ARHGAP31: variants seen among roughly 807,000 people sequenced by gnomAD.
ARHGAP31 encodes Rho GTPase activating protein 31.
ARHGAP31 carries 34 observed loss-of-function variants against 113.9 expected under a neutral mutation model. That is an observed-to-expected ratio of 0.30 (90% CI 0.23 to 0.40). The LOEUF is 0.40. Ranked by LOEUF, ARHGAP31 falls within the 10% of genes least tolerant of loss-of-function variation. The pLI is 1.00. For missense variants in ARHGAP31, 1,548 were observed against 1,767.1 expected (o/e 0.88, Z 2.22); for synonymous variants, 650 against 684.8 (o/e 0.95, Z 0.79).
rs2080417445 is a variant in ARHGAP31, at chr3:119,383,159, T to C, written c.615T>C (p.Ile205=). 1.2e-6 allele frequency: 2 copies of C among 1,614,216 alleles called. No individual in the cohort carries two copies. The highest frequency in any genetic ancestry group is 1.7e-6 in the Non-Finnish European group (2 of 1,180,030). The change falls in exon 6 of 12, where the codon ATT becomes ATC. Residue 205 remains isoleucine, a synonymous_variant. Coordinates refer to ENST00000264245, the MANE Select transcript of ARHGAP31 (RefSeq NM_020754.4). The part of the protein sequence containing the change: ...FLAVRVQQVV[I]EFILNHVDQI... ...CAGTCCGGGTCCAGCAGGTGGTGAT[T>C]GAGTTCATATTGAATCATGTAGATC...
At chr3:119,378,566 C>T (rs1441872326) in intron 3 of ARHGAP31, among the ~76,000 whole-genome samples, 3 of 152,198 alleles carry the variant, frequency 2.0e-5, no homozygotes, top group African/African-American at 4.8e-5. Context: ...AGTGGTACAA[C>T]GTTTGTGAAG....
chr3:119,302,946 A>G (rs1158300746), intron 1 of ARHGAP31, among the ~76,000 whole-genome samples: 1 of 152,160 alleles, frequency 6.6e-6, no homozygotes, highest in African/African-American at 2.4e-5. Flanking sequence ...ATCTAAACCT[A>G]CCAGCTTTGA....
At position 119,307,940 on chromosome 3, in the gene ARHGAP31, CAAAAAAAA is replaced by C. The variant is rs71156742; in HGVS notation, c.100+12949_100+12956del. Among the ~76,000 whole-genome samples the C allele has an allele frequency of 1.8e-4, 8 of 45,464 alleles. No homozygotes were observed. In the South Asian group the frequency reaches 5.7e-3, roughly 32 times the overall value. 29.8% of individuals were successfully genotyped at this position (45,464 alleles called of 152,430 possible). A position where few individuals can be genotyped will look rare whatever the true frequency, so the allele number is the denominator to read the frequency against. On this transcript the variant is annotated intron_variant, in intron 1 of 11. Transcript: ENST00000264245. ...AGTGAATCCAAGTATGAATTAACAGCAAAAAAAAAAAAAAAAAAAAGCTCAATCTTAGG... is the reference window on the plus strand; with the variant it reads ...AGTGAATCCAAGTATGAATTAACAGCAAAAAAAAAAAAGCTCAATCTTAGG...
Position 119,383,177 on chromosome 3 carries a change from T to C in ARHGAP31, c.633T>C (p.His211=), listed in dbSNP as rs764713087. Residue 211 remains histidine, a synonymous_variant, in exon 6 of 12, where the codon CAT becomes CAC. Transcript: ENST00000264245. ...QQVVIEFILN[H]VDQIFNNGAP... is the part of the protein sequence containing the mutation. ...TGGTGATTGAGTTCATATTGAATCA[T>C]GTAGATCAAATCTTTAACAACGGTG... The C allele has an allele frequency of 3.7e-6, 6 of 1,614,204 alleles. No homozygotes were observed. The highest frequency in any genetic ancestry group is 2.2e-5 in the South Asian group (2 of 91,086).
At chr3:119,296,007 A>T (rs928752220) in intron 1 of ARHGAP31, among the ~76,000 whole-genome samples, 3 of 152,256 alleles carry the variant, frequency 2.0e-5, no homozygotes, top group African/African-American at 7.2e-5. Flanking sequence ...TATATAGGCC[A>T]TGTGTTTATA....
At chr3:119,389,093 G>C (rs568342661) in intron 6 of ARHGAP31, among the ~76,000 whole-genome samples, 1 of 152,044 alleles carries the variant, frequency 6.6e-6, no homozygotes, top group Non-Finnish European at 1.5e-5. Context: ...CCCAGGAGTC[G>C]GAGGTTGCAG....
chr3:119,308,161 G>T (rs905298283), intron 1 of ARHGAP31, among the ~76,000 whole-genome samples: 1 of 152,140 alleles, frequency 6.6e-6, no homozygotes, highest in Non-Finnish European at 1.5e-5. Flanking sequence ...GACAAATGAA[G>T]TTGCTGAGAA....
intron 1 of ARHGAP31, among the ~76,000 whole-genome samples, chr3:119,324,341 G>T (rs2079821329): frequency 1.3e-5 from 2 of 152,216 alleles, no homozygotes; most frequent in Admixed American, 1.3e-4. Flanking sequence ...CAATTTTAAG[G>T]TTACACTTGT....
chr3:119,395,173 G>A (rs1364535664), intron 8 of ARHGAP31, among the ~76,000 whole-genome samples: 3 of 152,146 alleles, frequency 2.0e-5, no homozygotes, highest in African/African-American at 4.8e-5. Flanking sequence ...TATTTTTAAC[G>A]ACTTTCCTCA....
chr3:119,338,530 G>A (rs1436101565), intron 1 of ARHGAP31, among the ~76,000 whole-genome samples: 1 of 152,066 alleles, frequency 6.6e-6, no homozygotes, highest in Non-Finnish European at 1.5e-5. Flanking sequence ...AGTGACATAG[G>A]GTGCAGACTT....
intron 1 of ARHGAP31, among the ~76,000 whole-genome samples, chr3:119,359,685 T>C (rs2107620172): frequency 6.6e-6 from 1 of 151,772 alleles, no homozygotes; most frequent in Non-Finnish European, 1.5e-5. Flanking sequence ...GGGGAAAGGA[T>C]GGGACAGGAA....
chr3:119,408,754 A>C (rs1559996285), intron 10 of ARHGAP31, among the ~76,000 whole-genome samples: 1 of 152,184 alleles, frequency 6.6e-6, no homozygotes, highest in Non-Finnish European at 1.5e-5. Context: ...AAACAGCTTT[A>C]TGCAAAGAAA....
intron 1 of ARHGAP31, among the ~76,000 whole-genome samples, chr3:119,352,109 A>G (rs761736536): frequency 2.0e-5 from 3 of 152,168 alleles, no homozygotes; most frequent in Non-Finnish European, 2.9e-5. Context: ...GCCTTTATCA[A>G]TTACACAAAG....
chr3:119,351,356 G>C (rs1250626063), intron 1 of ARHGAP31, among the ~76,000 whole-genome samples: 1 of 152,196 alleles, frequency 6.6e-6, no homozygotes, highest in Admixed American at 6.5e-5. Context: ...TTCTTGGTCT[G>C]TGACTTGGTT....
chr3:119,402,335 A>G lies in ARHGAP31; in HGVS notation c.1583A>G (p.His528Arg), dbSNP rs1419031491. ...TCCAGCCTGGAAGAGTTTTCTTTTC[A>G]TGGATCAGAGAGCGGAGGCTGGCCA... ...SLSSLEEFSF[H>R]GSESGGWPEE... The change falls in exon 10 of 12, where the codon CAT becomes CGT. Residue 528 changes from histidine to arginine, a missense_variant. Physicochemically the swap from His to Arg is conservative, Grantham distance 29. Transcript: ENST00000264245. 1 of 1,614,014 alleles carries G rather than the reference A, an allele frequency of 6.2e-7. No homozygotes were observed. Among genetic ancestry groups the G allele is most frequent in the South Asian group, 1.1e-5 (1 of 91,084 alleles).
intron 3 of ARHGAP31, among the ~76,000 whole-genome samples, chr3:119,379,737 G>T (rs2080378562): frequency 6.6e-6 from 1 of 152,078 alleles, no homozygotes; most frequent in Non-Finnish European, 1.5e-5. Flanking sequence ...TATTGATCTA[G>T]GTGGGTTACC....
At chr3:119,326,769 C>G (rs923505085) in intron 1 of ARHGAP31, among the ~76,000 whole-genome samples, 4 of 152,196 alleles carry the variant, frequency 2.6e-5, no homozygotes, top group Non-Finnish European at 5.9e-5. Flanking sequence ...TGGAATCTTG[C>G]GTTTGTATCT....
intron 1 of ARHGAP31, among the ~76,000 whole-genome samples, chr3:119,344,170 C>T (rs1210067658): frequency 6.6e-6 from 1 of 152,128 alleles, no homozygotes; most frequent in Non-Finnish European, 1.5e-5. Flanking sequence ...AATCTATGTC[C>T]CATGCAATAC....
At position 119,384,879 on chromosome 3, in the gene ARHGAP31, T is replaced by C. The variant is rs902444930; in HGVS notation, c.682+1653T>C. ...TTTCTAGTTGTATGGATTTGCCTTT[T>C]CTGGACATTTCATATAAATGGAATC... On this transcript the variant is annotated intron_variant, in intron 6 of 11. Coordinates refer to ENST00000264245, the MANE Select transcript of ARHGAP31 (RefSeq NM_020754.4). Among the ~76,000 whole-genome samples the C allele has an allele frequency of 7.2e-5, 11 of 152,114 alleles. No homozygotes were observed. The South Asian group carries it at 2.3e-3, about 32-fold the overall frequency.
Sources: allele counts gnomAD v4.1 joint callset (sites outside exome capture counted in the v4.1 genomes callset), GRCh38; gene constraint gnomAD v4.1.1; transcripts MANE v1.5; gene names NCBI Gene and HGNC (gene_info 2026-07-23, HGNC 2026-07-21).